The following HERC1 variants were observed in gnomAD, a reference collection of about 807,000 sequenced individuals.
The protein encoded by HERC1 is HECT and RLD domain containing E3 ubiquitin protein ligase family member 1, also known as probable E3 ubiquitin-protein ligase HERC1.
Under a neutral mutation model 554.3 loss-of-function variants are expected in HERC1, and 160 were observed. That is an observed-to-expected ratio of 0.29 (90% CI 0.25 to 0.33). The LOEUF (loss-of-function observed/expected upper bound fraction) is 0.33, where lower values mean the gene tolerates loss of function less well. Ranked by LOEUF, HERC1 falls within the 10% of genes least tolerant of loss-of-function variation. The pLI, the probability that HERC1 is intolerant of heterozygous loss-of-function variation, is 1.00. For synonymous variants in HERC1, 2,175 were observed against 2,131.7 expected, an observed-to-expected ratio of 1.02 and a Z score of -0.56; for missense variants, 4,919 against 5,918.5, an observed-to-expected ratio of 0.83 and a Z score of 5.54.
chr15:63,818,106 C>T (rs1352096534), intron 1 of HERC1, among the ~76,000 whole-genome samples: 2 of 151,954 alleles, frequency 1.3e-5, no homozygotes, highest in African/African-American at 2.4e-5. Flanking sequence ...ATTTGCAAGT[C>T]TGTTAACAAT....
chr15:63,679,163 A>G (rs1198165439), intron 36 of HERC1, among the ~76,000 whole-genome samples: 1 of 152,220 alleles, frequency 6.6e-6, no homozygotes, highest in East Asian at 1.9e-4. Flanking sequence ...GCACCAGGCC[A>G]TCATTCGAAC....
intron 3 of HERC1, among the ~76,000 whole-genome samples, chr15:63,760,454 A>G (rs2075573697): frequency 6.6e-6 from 1 of 150,534 alleles, no homozygotes; most frequent in East Asian, 1.9e-4. Context: ...AAAAAAAAAA[A>G]AGACACAAAG....
chr15:63,692,619 CTT>C lies in HERC1; in HGVS notation c.5675-55_5675-54del. 1.4e-6 allele frequency: 2 copies of C among 1,439,556 alleles called. No homozygotes were observed. The highest frequency in any genetic ancestry group is 2.9e-5 in the African/African-American group (2 of 70,020). The allele number at this position is 1,439,556 out of a possible 1,614,324, so 89.2% of individuals were successfully genotyped here. A position where few individuals can be genotyped will look rare whatever the true frequency, so the allele number is the denominator to read the frequency against. ...CAACCAAGAGCCAACAAGAAATAGTCTTATATCACATAATTTACCTTGAAACT... is the reference window on the plus strand; with the variant it reads ...CAACCAAGAGCCAACAAGAAATAGTCATATCACATAATTTACCTTGAAACT... On this transcript the variant is annotated intron_variant, in intron 30 of 77. Transcript: ENST00000443617. The surrounding 1 kb of genome is among the most constrained non-coding windows in gnomAD (Gnocchi z 4.7).
intron 12 of HERC1, among the ~76,000 whole-genome samples, chr15:63,737,429 T>TATATATATATATATCTTTTTTCCAG (rs1319490750): frequency 8.1e-6 from 1 of 122,914 alleles, no homozygotes; most frequent in African/African-American, 3.3e-5. Flanking sequence ...TTTTTCCAGA[T>TATATATATATATATCTTTTTTCCAG]ATATATATAT....
chr15:63,708,693 T>A (rs971171233), intron 24 of HERC1, among the ~76,000 whole-genome samples: 7 of 152,242 alleles, frequency 4.6e-5, no homozygotes, highest in African/African-American at 1.4e-4. Flanking sequence ...AGTTAACTTC[T>A]AACATTTTAA....
At chr15:63,723,498 T>C in intron 18 of HERC1, 143 bp from the exon 19 acceptor site, 1 of 611,820 alleles carries the variant, frequency 1.6e-6, no homozygotes, top group East Asian at 2.8e-5. Flanking sequence ...AGTCCTTTAA[T>C]GTTTTTCAGT....
rs1226537860 is a variant in HERC1, at chr15:63,633,739, T to A, written c.12693+109A>T. 24 of 1,170,690 alleles carry A rather than the reference T, an allele frequency of 2.1e-5. No individual in the cohort carries two copies. In the East Asian group the frequency reaches 6.2e-4, roughly 30 times the overall value. The allele number at this position is 1,170,690 out of a possible 1,614,324, so 72.5% of individuals were successfully genotyped here. A position where few individuals can be genotyped will look rare whatever the true frequency, so the allele number is the denominator to read the frequency against. The stretch of plus-strand genomic sequence containing the variant: ...CAACAGAAGCTTCTAAACTTCATTA[T>A]GAACTACCAAAAGTACTAAAGGTAA... On this transcript the variant is annotated intron_variant, in intron 67 of 77. Transcript: ENST00000443617.
chr15:63,619,305 T>C (rs1162811265), intron 74 of HERC1, among the ~76,000 whole-genome samples: 1 of 152,174 alleles, frequency 6.6e-6, no homozygotes, highest in Non-Finnish European at 1.5e-5. Context: ...TGTTTATTGA[T>C]TTTCGTATGT....
intron 74 of HERC1, among the ~76,000 whole-genome samples, chr15:63,617,919 G>A (rs1008586592): frequency 1.3e-5 from 2 of 152,120 alleles, no homozygotes; most frequent in African/African-American, 4.8e-5. Flanking sequence ...TTTGTCAGAT[G>A]AGTAGGTTGC....
At chr15:63,613,387 G>A (rs1035989786) in intron 76 of HERC1, among the ~76,000 whole-genome samples, 1 of 152,148 alleles carries the variant, frequency 6.6e-6, no homozygotes, top group Non-Finnish European at 1.5e-5. Flanking sequence ...TTAGAAAAAT[G>A]TCTCCTCCAA....
intron 10 of HERC1, among the ~76,000 whole-genome samples, chr15:63,748,360 A>G (rs1263169106): frequency 4.6e-5 from 7 of 152,194 alleles, no homozygotes; most frequent in Admixed American, 4.6e-4. Flanking sequence ...GCCATCTTTA[A>G]GAAGAAAACA....
At chr15:63,743,986 T>TGCTTTAGTA (rs112226526) in intron 12 of HERC1, among the ~76,000 whole-genome samples, 45,454 of 151,732 alleles carry the variant, frequency 0.3, 7,201 homozygotes, top group Middle Eastern at 0.39. Flanking sequence ...AAACTGTATC[T>TGCTTTAGTA]ACGTTGTGGT....
rs765114450 is a variant in HERC1 at position 63,716,329 on chromosome 15, G to A, written c.4123C>T (p.Arg1375Trp). 9.3e-6 allele frequency: 15 copies of A among 1,613,410 alleles called. No homozygotes were observed. Among genetic ancestry groups the A allele is most frequent in the South Asian group, 2.2e-5 (2 of 91,056 alleles). ...HPEPEDEEEE[R>W]EHEVMTAGKI... ...CCAGCTGTCATCACTTCATGTTCCC[G>A]TTCCTCCTCTTCATCCTCTGGCTCC... is the stretch of plus-strand genomic sequence containing the variant. Residue 1375 changes from arginine (R) to tryptophan (W), a missense_variant, in exon 22 of 78, where the codon CGG (arginine) becomes TGG (tryptophan). Coordinates refer to ENST00000443617, the MANE Select transcript of HERC1 (RefSeq NM_003922.4).
At chr15:63,832,265 G>C (rs1044183892) in intron 1 of HERC1, among the ~76,000 whole-genome samples, 28 of 152,080 alleles carry the variant, frequency 1.8e-4, no homozygotes, top group African/African-American at 6.5e-4. Context: ...TATAGGTGCA[G>C]AATACGTGTG....
intron 25 of HERC1, among the ~76,000 whole-genome samples, chr15:63,705,343 A>T (rs1184564335): frequency 6.6e-6 from 1 of 151,678 alleles, no homozygotes; most frequent in Non-Finnish European, 1.5e-5. Flanking sequence ...TGGCAGAGAC[A>T]GGGGTCTCAC....
At chr15:63,785,103 A>G (rs1248728097) in intron 1 of HERC1, among the ~76,000 whole-genome samples, 1 of 152,208 alleles carries the variant, frequency 6.6e-6, no homozygotes, top group African/African-American at 2.4e-5. Context: ...TAAATATATA[A>G]AGACTCAAAT....
intron 12 of HERC1, among the ~76,000 whole-genome samples, chr15:63,742,149 CTTTAA>C (rs2074837659): frequency 6.6e-6 from 1 of 152,164 alleles, no homozygotes; most frequent in African/African-American, 2.4e-5. Flanking sequence ...TTTCGGTCTT[CTTTAA>C]TTTCTTTCAA....
chr15:63,674,929 T>C lies in HERC1; in HGVS notation c.7259A>G (p.His2420Arg). The part of the protein sequence containing the change: ...STKRHEKKHR[H>R]ESEEKGDVEQ... ...AACATCCCCTTTCTCCTCGGATTCATGTCGGTGTTTCTTTTCATGTCGTTT... is the reference window on the plus strand; with the variant it reads ...AACATCCCCTTTCTCCTCGGATTCACGTCGGTGTTTCTTTTCATGTCGTTT... Residue 2420 changes from histidine (H) to arginine (R), a missense_variant, in exon 38 of 78, where the codon CAT becomes CGT. Around this residue, in one of 11 missense-constraint regions of HERC1, gnomAD observed 1,963 missense variants for 2,228.6 expected, o/e 0.88. Transcript: ENST00000443617. 12 of 1,614,044 alleles carry C rather than the reference T, an allele frequency of 7.4e-6. No homozygotes were observed. Among genetic ancestry groups the C allele is most frequent in the African/African-American group, 1.3e-5 (1 of 75,058 alleles).
intron 25 of HERC1, among the ~76,000 whole-genome samples, chr15:63,700,373 G>C (rs1409275014): frequency 2.0e-5 from 3 of 151,852 alleles, no homozygotes; most frequent in Non-Finnish European, 4.4e-5. Flanking sequence ...AATTATATCA[G>C]TTATGTAACT....
Sources: allele counts gnomAD v4.1 joint callset (sites outside exome capture counted in the v4.1 genomes callset), GRCh38; gene constraint gnomAD v4.1.1; regional missense constraint gnomAD v4.1.1; non-coding constraint Gnocchi (gnomAD v3.1); transcripts MANE v1.5; gene names NCBI Gene and HGNC (gene_info 2026-07-23, HGNC 2026-07-21).